Variants in DTWD2 observed in about 807,000 individuals in gnomAD.
DTWD2 encodes DTW motif tRNA-uridine aminocarboxypropyltransferase 2.
In DTWD2, 39 loss-of-function variants were observed where a neutral mutation model predicts 31.8. The ratio of observed to expected loss-of-function variants is 1.22; its 90% CI spans 0.95 to 1.60. The LOEUF is 1.60. DTWD2 is among the 40% of genes most tolerant of loss of function. DTWD2 has a pLI of 0.00. For missense variants in DTWD2, 515 were observed against 381.5 expected, an observed-to-expected ratio of 1.35 and a Z score of -2.92; for synonymous variants, 180 against 142.8, an observed-to-expected ratio of 1.26 and a Z score of -1.86.
intron 1 of DTWD2, chr5:118,974,477 G>A: frequency 2.1e-6 from 1 of 470,854 alleles, no homozygotes; most frequent in Non-Finnish European, 4.2e-6. Context: ...AGCCTTCGGA[G>A]CGTTCTCTGT....
intron 4 of DTWD2, among the ~76,000 whole-genome samples, chr5:118,902,345 T>C (rs769407840): frequency 3.2e-4 from 48 of 152,146 alleles, no homozygotes; most frequent in Non-Finnish European, 6.2e-4. Context: ...TCTGTGGAAA[T>C]GTATAGCTAA....
At chr5:118,986,659 G>A (rs1471394935) in intron 1 of DTWD2, among the ~76,000 whole-genome samples, 2 of 152,042 alleles carry the variant, frequency 1.3e-5, no homozygotes, top group African/African-American at 4.8e-5. Flanking sequence ...AATATAAAAA[G>A]CCATCAATTC....
intron 4 of DTWD2, among the ~76,000 whole-genome samples, chr5:118,924,118 G>A (rs1035938764): frequency 1.3e-5 from 2 of 152,182 alleles, no homozygotes; most frequent in African/African-American, 4.8e-5. Flanking sequence ...GCAGAGGGCA[G>A]ACCAACAGAC....
rs1202216442 is a variant in DTWD2, at chr5:118,840,790, T to C, written c.*127A>G. 1 of 936,194 alleles carries C rather than the reference T, an allele frequency of 1.1e-6. No individual in the cohort carries two copies. Among genetic ancestry groups the C allele is most frequent in the Non-Finnish European group, 1.5e-6 (1 of 686,630 alleles). The allele number at this position is 936,194 out of a possible 1,614,324, so 58.0% of individuals were successfully genotyped here. A position where few individuals can be genotyped will look rare whatever the true frequency, so the allele number is the denominator to read the frequency against. On this transcript the variant is annotated 3_prime_UTR_variant, in exon 6 of 6. Coordinates refer to ENST00000510708, the MANE Select transcript of DTWD2 (RefSeq NM_173666.4). The stretch of plus-strand genomic sequence containing the variant: ...GAATATTTGGTTTACTTCCTTCTTC[T>C]GGGTAAGATTAGTATGCAATTCTCC...
At chr5:118,842,035 TTAC>T (rs1751727737) in intron 5 of DTWD2, among the ~76,000 whole-genome samples, 1 of 152,178 alleles carries the variant, frequency 6.6e-6, no homozygotes. Flanking sequence ...AAGGGTTCTC[TTAC>T]ATGCGGCCAA....
chr5:118,880,452 G>C (rs1443314587), intron 4 of DTWD2, among the ~76,000 whole-genome samples: 2 of 152,082 alleles, frequency 1.3e-5, no homozygotes, highest in African/African-American at 2.4e-5. Context: ...TTTTTCATTA[G>C]ATTCTGGGCA....
chr5:118,918,799 G>T, intron 4 of DTWD2, among the ~76,000 whole-genome samples: 1 of 151,036 alleles, frequency 6.6e-6, no homozygotes, highest in Non-Finnish European at 1.5e-5. Flanking sequence ...ACCAGCCTGG[G>T]CAACGTGGTA....
At chr5:118,912,197 C>T (rs1031243617) in intron 4 of DTWD2, among the ~76,000 whole-genome samples, 1 of 152,196 alleles carries the variant, frequency 6.6e-6, no homozygotes, top group East Asian at 1.9e-4. Flanking sequence ...GGACACAGAT[C>T]TGTCTCTGAA....
intron 4 of DTWD2, among the ~76,000 whole-genome samples, chr5:118,851,379 C>T (rs1441282896): frequency 6.6e-6 from 1 of 150,974 alleles, no homozygotes; most frequent in Non-Finnish European, 1.5e-5. Flanking sequence ...CCGGGGGCAA[C>T]ATCACATATC....
At chr5:118,964,329 C>T (rs1029535986) in intron 1 of DTWD2, among the ~76,000 whole-genome samples, 33 of 152,040 alleles carry the variant, frequency 2.2e-4, no homozygotes, top group African/African-American at 7.7e-4. Context: ...ATATAAGGCA[C>T]CAAGTTGTGG....
intron 4 of DTWD2, among the ~76,000 whole-genome samples, chr5:118,897,190 C>T (rs1172696240): frequency 6.6e-6 from 1 of 152,180 alleles, no homozygotes; most frequent in Non-Finnish European, 1.5e-5. Flanking sequence ...CAGGAGAAAA[C>T]TCACATGGGA....
Position 118,935,531 on chromosome 5 carries a change from C to T in DTWD2, c.404+3665G>A, listed in dbSNP as rs572068898. Among the ~76,000 whole-genome samples, 10 of 151,990 alleles carry T rather than the reference C, an allele frequency of 6.6e-5. No individual in the cohort carries two copies. The East Asian group carries it at 1.4e-3, about 21-fold the overall frequency. ...CTGCTTGCTTGCTTGCTTGCTTGCT[C>T]GCTCGCTTGCTTGTGGGGAGAAATC... On this transcript the variant is annotated intron_variant, in intron 3 of 5. Transcript: ENST00000510708.
intron 3 of DTWD2, among the ~76,000 whole-genome samples, chr5:118,938,036 C>G (rs900263569): frequency 2.0e-5 from 3 of 152,146 alleles, no homozygotes; most frequent in African/African-American, 7.2e-5. Context: ...TCACACTGTA[C>G]ATGATAAATA....
At chr5:118,982,030 T>C (rs1580455866) in intron 1 of DTWD2, among the ~76,000 whole-genome samples, 1 of 152,314 alleles carries the variant, frequency 6.6e-6, no homozygotes, top group South Asian at 2.1e-4. Context: ...TTATTAGTCA[T>C]CTGACCTAAA....
chr5:118,863,424 T>C (rs1005338036), intron 4 of DTWD2, among the ~76,000 whole-genome samples: 50 of 152,318 alleles, frequency 3.3e-4, no homozygotes, highest in African/African-American at 1.2e-3. Context: ...AGAAAACATC[T>C]TATTCAAGAA....
At chr5:118,968,193 T>C (rs1268250716) in intron 1 of DTWD2, among the ~76,000 whole-genome samples, 5 of 139,792 alleles carry the variant, frequency 3.6e-5, no homozygotes, top group Admixed American at 1.4e-4. Flanking sequence ...AGTAACAAAA[T>C]CGTGAAAAAA....
intron 4 of DTWD2, among the ~76,000 whole-genome samples, chr5:118,890,456 C>T (rs1414588581): frequency 6.6e-6 from 1 of 151,150 alleles, no homozygotes; most frequent in African/African-American, 2.4e-5. Flanking sequence ...TAAATTAAAG[C>T]AATCAAACTC....
At chr5:118,938,201 T>C (rs1246967228) in intron 3 of DTWD2, among the ~76,000 whole-genome samples, 2 of 152,070 alleles carry the variant, frequency 1.3e-5, no homozygotes, top group Admixed American at 1.3e-4. Flanking sequence ...TATCAGTTAT[T>C]GCAATGCGGC....
intron 4 of DTWD2, among the ~76,000 whole-genome samples, chr5:118,918,247 G>A (rs923115572): frequency 6.6e-6 from 1 of 152,020 alleles, no homozygotes; most frequent in Non-Finnish European, 1.5e-5. Flanking sequence ...CACTGAAAAC[G>A]TTTGGAAAAT....
Sources: allele counts gnomAD v4.1 joint callset (sites outside exome capture counted in the v4.1 genomes callset), GRCh38; gene constraint gnomAD v4.1.1; transcripts MANE v1.5; gene names NCBI Gene and HGNC (gene_info 2026-07-23, HGNC 2026-07-21).